Variants in TRPM3 observed in about 807,000 individuals in gnomAD.
TRPM3 encodes transient receptor potential cation channel subfamily M member 3.
Under a neutral mutation model 181.2 loss-of-function variants are expected in TRPM3, and 77 were observed. That is an observed-to-expected ratio of 0.42 (90% CI 0.35 to 0.51). TRPM3 has a LOEUF of 0.51. Among genes scored for constraint, TRPM3 ranks in the 20% least tolerant of loss-of-function variants. TRPM3 has a pLI of 0.01. For missense variants in TRPM3, 1,759 were observed against 2,196.7 expected (o/e 0.80, Z 3.98); for synonymous variants, 745 against 796.4 (o/e 0.94, Z 1.09).
chr9:71,332,106 A>G (rs538021188), intron 1 of TRPM3, among the ~76,000 whole-genome samples: 1 of 151,538 alleles, frequency 6.6e-6, no homozygotes, highest in Non-Finnish European at 1.5e-5. Flanking sequence ...TCAAATAACA[A>G]AATCAACGTA....
intron 1 of TRPM3, among the ~76,000 whole-genome samples, chr9:71,189,930 T>C (rs764721444): frequency 5.3e-5 from 8 of 151,920 alleles, no homozygotes; most frequent in African/African-American, 7.2e-5. Context: ...TCCACTCACA[T>C]GTGCTATTCA....
At chr9:71,082,970 G>T (rs13285838) in intron 1 of TRPM3, among the ~76,000 whole-genome samples, 49,968 of 151,898 alleles carry the variant, frequency 0.33, 10,598 homozygotes, top group African/African-American at 0.61. Context: ...CATAGAGATT[G>T]ATATGGAGAT....
chr9:71,310,047 T>C (rs1170279051), intron 1 of TRPM3, among the ~76,000 whole-genome samples: 1 of 152,062 alleles, frequency 6.6e-6, no homozygotes, highest in Non-Finnish European at 1.5e-5. Flanking sequence ...TGAATATTTG[T>C]AAACTATCTA....
intron 1 of TRPM3, among the ~76,000 whole-genome samples, chr9:71,214,767 C>T (rs2079736839): frequency 6.6e-6 from 1 of 152,072 alleles, no homozygotes; most frequent in Non-Finnish European, 1.5e-5. Context: ...CTGAATATTC[C>T]ATGTATTCTT....
chr9:70,646,941 G>A (rs2058961496), intron 9 of TRPM3, among the ~76,000 whole-genome samples: 1 of 147,776 alleles, frequency 6.8e-6, no homozygotes, highest in Non-Finnish European at 1.5e-5. Flanking sequence ...TAGAAACCTA[G>A]AAGAAATTGA....
chr9:70,992,200 A>G (rs2097493881), intron 1 of TRPM3, among the ~76,000 whole-genome samples: 1 of 152,218 alleles, frequency 6.6e-6, no homozygotes, highest in Non-Finnish European at 1.5e-5. Flanking sequence ...TTTTGTGCAT[A>G]TGGGCTTGAC....
At chr9:70,968,594 A>AAG (rs1208734740) in intron 1 of TRPM3, among the ~76,000 whole-genome samples, 1 of 152,196 alleles carries the variant, frequency 6.6e-6, no homozygotes, top group African/African-American at 2.4e-5. Context: ...TCACCAGTGT[A>AAG]GCAAATATTA....
chr9:70,532,407 A>G lies in TRPM3; in HGVS notation c.*3546T>C, dbSNP rs1482297684. 6.6e-6 allele frequency: 1 copy of G among 152,200 alleles called. No individual in the cohort carries two copies. The highest frequency in any genetic ancestry group is 2.4e-5 in the African/African-American group (1 of 41,456). 9.4% of individuals were successfully genotyped at this position (152,200 alleles called of 1,614,324 possible). A position where few individuals can be genotyped will look rare whatever the true frequency, so the allele number is the denominator to read the frequency against. The stretch of plus-strand genomic sequence containing the variant: ...AGGGGAACTTTCAAAGTGCTAAATA[A>G]TATCCTAGACCTGGAAACTTATACA... On this transcript the variant is annotated 3_prime_UTR_variant, in exon 26 of 26. Coordinates refer to ENST00000677713, the MANE Select transcript of TRPM3 (RefSeq NM_001366145.2).
chr9:70,802,692 C>G (rs1224033680), intron 6 of TRPM3, among the ~76,000 whole-genome samples: 1 of 152,062 alleles, frequency 6.6e-6, no homozygotes, highest in Non-Finnish European at 1.5e-5. Flanking sequence ...GAGACATGCA[C>G]CATTCTTGCA....
chr9:71,314,186 T>A (rs1204432161), intron 1 of TRPM3, among the ~76,000 whole-genome samples: 2 of 152,044 alleles, frequency 1.3e-5, no homozygotes, highest in Non-Finnish European at 2.9e-5. Flanking sequence ...TTTACAGGAG[T>A]TTTTTCCTCA....
At chr9:71,091,753 G>A (rs1400927865) in intron 1 of TRPM3, among the ~76,000 whole-genome samples, 1 of 151,884 alleles carries the variant, frequency 6.6e-6, no homozygotes, top group Non-Finnish European at 1.5e-5. Context: ...GAAATCACCA[G>A]TTACATGTAT....
At chr9:70,978,002 C>T (rs2097323707) in intron 1 of TRPM3, among the ~76,000 whole-genome samples, 1 of 152,188 alleles carries the variant, frequency 6.6e-6, no homozygotes, top group Non-Finnish European at 1.5e-5. Context: ...CCCCTTTCCC[C>T]TCCCCAGAGG....
chr9:71,336,306 A>G (rs2090553267), intron 1 of TRPM3, among the ~76,000 whole-genome samples: 1 of 152,052 alleles, frequency 6.6e-6, no homozygotes, highest in Non-Finnish European at 1.5e-5. Context: ...TTCCCACACA[A>G]CAATAATAGT....
At chr9:70,614,794 A>G (rs1196926572) in intron 18 of TRPM3, among the ~76,000 whole-genome samples, 1 of 152,196 alleles carries the variant, frequency 6.6e-6, no homozygotes, top group Admixed American at 6.5e-5. Context: ...TTCAGCTGAA[A>G]TATTCCATAA....
chr9:70,858,325 A>C, intron 3 of TRPM3, among the ~76,000 whole-genome samples: 1 of 152,068 alleles, frequency 6.6e-6, no homozygotes, highest in South Asian at 2.1e-4. Flanking sequence ...AAAGATTGGC[A>C]CTCTTTAACA....
intron 1 of TRPM3, among the ~76,000 whole-genome samples, chr9:71,130,891 G>C (rs188847315): frequency 2.0e-5 from 3 of 152,286 alleles, no homozygotes; most frequent in East Asian, 1.9e-4. Flanking sequence ...GGTAGATATA[G>C]CTGTAATGCG....
At chr9:70,744,397 T>A (rs566277640) in intron 8 of TRPM3, among the ~76,000 whole-genome samples, 1 of 152,228 alleles carries the variant, frequency 6.6e-6, no homozygotes, top group South Asian at 2.1e-4. Flanking sequence ...GCTCTTCATT[T>A]GTATAGTCTT....
intron 1 of TRPM3, among the ~76,000 whole-genome samples, chr9:70,991,529 G>T (rs1010663296): frequency 1.4e-5 from 2 of 146,476 alleles, no homozygotes; most frequent in Admixed American, 6.9e-5. Flanking sequence ...CCATGCAATT[G>T]GTCTCCTTTG....
chr9:71,159,840 ATG>A (rs2076192533), intron 1 of TRPM3, among the ~76,000 whole-genome samples: 1 of 152,152 alleles, frequency 6.6e-6, no homozygotes, highest in Non-Finnish European at 1.5e-5. Flanking sequence ...GTCTGCTGAG[ATG>A]TGAGTAGATG....
Sources: allele counts gnomAD v4.1 joint callset (sites outside exome capture counted in the v4.1 genomes callset), GRCh38; gene constraint gnomAD v4.1.1; transcripts MANE v1.5; gene names NCBI Gene and HGNC (gene_info 2026-07-23, HGNC 2026-07-21).